Variants in FGF10 observed in about 807,000 individuals in gnomAD.
FGF10 encodes the protein fibroblast growth factor 10, also known as FGF-10.
In FGF10, 2 loss-of-function variants were observed where a neutral mutation model predicts 19.8. That is an observed-to-expected ratio of 0.10 (90% CI 0.04 to 0.32). The LOEUF is 0.32. FGF10 is among the 10% of genes least tolerant of loss of function. The probability of loss-of-function intolerance (pLI) is 1.00; values close to 1 mark genes in which losing one functional copy is unlikely to be tolerated. For synonymous variants in FGF10, 112 were observed against 94.0 expected (o/e 1.19, Z -1.10); for missense variants, 191 against 246.3 (o/e 0.78, Z 1.50).
At chr5:44,360,472 A>T (rs1741454859) in intron 1 of FGF10, among the ~76,000 whole-genome samples, 1 of 151,566 alleles carries the variant, frequency 6.6e-6, no homozygotes, top group South Asian at 2.1e-4. Flanking sequence ...CAGAACAGCA[A>T]CATTTGTAAT....
At chr5:44,386,051 G>C (rs1441242113) in intron 1 of FGF10, among the ~76,000 whole-genome samples, 1 of 152,008 alleles carries the variant, frequency 6.6e-6, no homozygotes, top group East Asian at 1.9e-4. Flanking sequence ...AGTAATATAT[G>C]TTATCACAGA....
chr5:44,312,810 T>C (rs550119390), intron 1 of FGF10, among the ~76,000 whole-genome samples: 2 of 152,182 alleles, frequency 1.3e-5, no homozygotes, highest in East Asian at 3.9e-4. Context: ...AGGATGATTT[T>C]AAGCAAAAAA....
chr5:44,332,179 C>T (rs907045231), intron 1 of FGF10, among the ~76,000 whole-genome samples: 1 of 152,014 alleles, frequency 6.6e-6, no homozygotes, highest in Non-Finnish European at 1.5e-5. Flanking sequence ...GGTAGAAGTT[C>T]CAGCTTTGGA....
intron 1 of FGF10, among the ~76,000 whole-genome samples, 166 bp downstream of exon 1, chr5:44,388,192 T>TAC (rs1742149856): frequency 1.3e-5 from 2 of 149,888 alleles, no homozygotes; most frequent in Admixed American, 1.3e-4. Context: ...GCACAATGTA[T>TAC]ACACGGGGGT....
rs1446723373 is a variant in FGF10 at position 44,388,493 on chromosome 5, C to T, written c.190G>A (p.Gly64Arg). ...SSSFSSPSSA[G>R]RHVRSYNHLQ... ...TGATTGTAGCTCCGCACATGCCTTC[C>T]CGCGCTGGAAGGAGAGGAGAAGGAG... Residue 64 changes from glycine to arginine, a missense_variant, in exon 1 of 3, where the codon GGA (glycine) becomes AGA (arginine). By Grantham distance (125) the Gly-to-Arg change is moderately radical (BLOSUM62 -2). Transcript: ENST00000264664. 3 of 1,614,056 alleles carry T rather than the reference C, an allele frequency of 1.9e-6. No homozygotes were observed. Among genetic ancestry groups the T allele is most frequent in the East Asian group, 2.2e-5 (1 of 44,850 alleles).
intron 1 of FGF10, among the ~76,000 whole-genome samples, chr5:44,349,422 T>TTATATATA (rs869035955): frequency 9.7e-5 from 4 of 41,422 alleles, no homozygotes; most frequent in East Asian, 8.5e-4. Flanking sequence ...AGCATTTTCT[T>TTATATATA]TATATATATA....
intron 1 of FGF10, among the ~76,000 whole-genome samples, chr5:44,326,479 G>A (rs1293536861): frequency 3.9e-5 from 6 of 151,962 alleles, no homozygotes; most frequent in Admixed American, 3.3e-4. Context: ...GCTCATTACA[G>A]CTTCAACCTC....
intron 1 of FGF10, among the ~76,000 whole-genome samples, chr5:44,370,715 C>T (rs184043215): frequency 2.6e-5 from 4 of 152,212 alleles, no homozygotes; most frequent in African/African-American, 9.6e-5. Flanking sequence ...ACTTCATAGC[C>T]CCTATTACTA....
chr5:44,339,680 C>T (rs1014766248), intron 1 of FGF10, among the ~76,000 whole-genome samples: 92 of 152,176 alleles, frequency 6.0e-4, no homozygotes, highest in African/African-American at 2.1e-3. Flanking sequence ...TCAAGGTTTC[C>T]TCTGGCCATT....
intron 2 of FGF10, among the ~76,000 whole-genome samples, chr5:44,309,303 C>T (rs1474487834): frequency 1.3e-5 from 2 of 152,106 alleles, no homozygotes; most frequent in African/African-American, 4.8e-5. Context: ...TCCCCTTGAT[C>T]TGTCTCTGGG....
At chr5:44,352,451 G>A (rs965114039) in intron 1 of FGF10, among the ~76,000 whole-genome samples, 4 of 151,398 alleles carry the variant, frequency 2.6e-5, no homozygotes, top group South Asian at 4.2e-4. Flanking sequence ...TGTGCATTTC[G>A]GGAACTCCAC....
rs1739951978 is a variant in FGF10, at chr5:44,300,822, C to T, written c.*4173G>A. Among the ~76,000 whole-genome samples the T allele has an allele frequency of 6.6e-6, 1 of 151,808 alleles. No homozygotes were observed. The highest frequency in any genetic ancestry group is 1.5e-5 in the Non-Finnish European group (1 of 67,964). On this transcript the variant is annotated 3_prime_UTR_variant, in exon 3 of 3. Coordinates refer to ENST00000264664, the MANE Select transcript of FGF10 (RefSeq NM_004465.2). ...ACTGAAGATTGGTCAATCACAATTCCCAAATCTCTTATACTGATTGGTCTA... is the reference window on the plus strand; with the variant it reads ...ACTGAAGATTGGTCAATCACAATTCTCAAATCTCTTATACTGATTGGTCTA...
At position 44,362,974 on chromosome 5, in the gene FGF10, A is replaced by G. The variant is rs1315781125; in HGVS notation, c.325+25384T>C. 4.6e-5 allele frequency among the ~76,000 whole-genome samples: 7 copies of G among 151,876 alleles called. No individual in the cohort carries two copies. In the East Asian group the frequency reaches 1.4e-3, roughly 30 times the overall value. On this transcript the variant is annotated intron_variant, in intron 1 of 2. Transcript: ENST00000264664. ...GCAATTATTAATTATGTTGTCCCCAAAATATTTCACGGGGCCTGGCATGTA... is the reference window on the plus strand; with the variant it reads ...GCAATTATTAATTATGTTGTCCCCAGAATATTTCACGGGGCCTGGCATGTA...
At position 44,388,696 on chromosome 5, in the gene FGF10, T is replaced by C. The variant is rs746217648; in HGVS notation, c.-14A>G. On this transcript the variant is annotated 5_prime_UTR_variant, in exon 1 of 3. Transcript: ENST00000264664. ...CCATTTCCACATTGTACTGAAACTCTCGGCACTGGAAATTGTCTCATCAGA... is the reference window on the plus strand; with the variant it reads ...CCATTTCCACATTGTACTGAAACTCCCGGCACTGGAAATTGTCTCATCAGA... 2 of 1,613,582 alleles carry C rather than the reference T, an allele frequency of 1.2e-6. No homozygotes were observed. Among genetic ancestry groups the C allele is most frequent in the African/African-American group, 2.7e-5 (2 of 74,878 alleles).
Position 44,337,802 on chromosome 5 carries a change from G to T in FGF10, c.326-27272C>A, listed in dbSNP as rs374888493. ...TAAAAATACAAAAAATTAGCCAGGC[G>T]TAGTGGCATGCGCCTGTAGTCCCAG... On this transcript the variant is annotated intron_variant, in intron 1 of 2. Coordinates refer to ENST00000264664, the MANE Select transcript of FGF10 (RefSeq NM_004465.2). Among the ~76,000 whole-genome samples, 178 of 152,236 alleles carry T rather than the reference G, an allele frequency of 1.2e-3. 1 individual carries two copies. Among genetic ancestry groups the T allele is most frequent in the African/African-American group, 4.2e-3 (175 of 41,556 alleles).
intron 1 of FGF10, among the ~76,000 whole-genome samples, chr5:44,316,271 C>T (rs980866275): frequency 2.6e-5 from 4 of 152,190 alleles, no homozygotes; most frequent in African/African-American, 9.7e-5. Context: ...AAACCAGTCT[C>T]TGCTGCCAAA....
chr5:44,337,844 C>T (rs1024067678), intron 1 of FGF10, among the ~76,000 whole-genome samples: 27 of 151,808 alleles, frequency 1.8e-4, no homozygotes, highest in Non-Finnish European at 3.4e-4. Context: ...GGGAGGCTGA[C>T]GCAGGAGAAT....
At chr5:44,310,880 T>G (rs182788221) in intron 1 of FGF10, among the ~76,000 whole-genome samples, 117 of 152,264 alleles carry the variant, frequency 7.7e-4, no homozygotes, top group African/African-American at 2.6e-3. Flanking sequence ...TTAGCCTAGA[T>G]TTCAAAATAA....
At chr5:44,363,939 G>A (rs561488027) in intron 1 of FGF10, among the ~76,000 whole-genome samples, 1 of 151,814 alleles carries the variant, frequency 6.6e-6, no homozygotes, top group Admixed American at 6.6e-5. Flanking sequence ...TTTGCACCTG[G>A]TAATAAACAA....
Sources: gnomAD v4.1 joint callset for allele counts (sites outside exome capture counted in the v4.1 genomes callset) on GRCh38, gnomAD v4.1.1 for gene constraint, MANE v1.5 for transcripts, NCBI Gene and HGNC (gene_info 2026-07-23, HGNC 2026-07-21) for gene names.